Variants in CFAP57 observed in about 807,000 individuals in gnomAD.
CFAP57 encodes cilia and flagella associated protein 57, also known as cilia- and flagella-associated protein 57.
A neutral mutation model predicts 146.8 loss-of-function variants in CFAP57; 116 were observed. The observed-to-expected ratio is 0.79, with a 90% CI of 0.68 to 0.92. The LOEUF is 0.92. CFAP57 is among the 40% of genes least tolerant of loss of function. The probability of loss-of-function intolerance (pLI) is 0.00; values close to 1 mark genes in which losing one functional copy is unlikely to be tolerated. For synonymous variants in CFAP57, 518 were observed against 552.8 expected, an observed-to-expected ratio of 0.94 and a Z score of 0.88; for missense variants, 1,377 against 1,527.2, an observed-to-expected ratio of 0.90 and a Z score of 1.64.
intron 6 of CFAP57, among the ~76,000 whole-genome samples, chr1:43,191,476 A>G (rs1327461493): frequency 6.6e-6 from 1 of 150,992 alleles, no homozygotes; most frequent in African/African-American, 2.4e-5. Flanking sequence ...GGTCCCAGCT[A>G]CTCGGGAGGC....
In CFAP57 at chr1:43,237,708, T is replaced by C. The variant is rs116734288; in HGVS notation, c.3405+3070T>C. Reference sequence around the variant, plus strand: ...AGAAAAAGCAGAGAAGAGTGAGGCCTGTGAGGTGCTTGGAGACCCAAGAGT... The same window carrying C: ...AGAAAAAGCAGAGAAGAGTGAGGCCCGTGAGGTGCTTGGAGACCCAAGAGT... On this transcript the variant is annotated intron_variant, in intron 21 of 22. Transcript: ENST00000372492. Among the ~76,000 whole-genome samples, 543 of 152,256 alleles carry C rather than the reference T, an allele frequency of 3.6e-3. 3 individuals are homozygous for C. Among genetic ancestry groups the C allele is most frequent in the African/African-American group, 0.013 (520 of 41,556 alleles).
chr1:43,251,166 G>T (rs1476487405), intron 22 of CFAP57, among the ~76,000 whole-genome samples: 1 of 152,220 alleles, frequency 6.6e-6, no homozygotes, highest in Non-Finnish European at 1.5e-5. Flanking sequence ...ATATATTGCT[G>T]AAACACCAGG....
chr1:43,183,793 G>A lies in CFAP57; in HGVS notation c.677G>A (p.Gly226Glu). The A allele has an allele frequency of 1.2e-6, 2 of 1,614,218 alleles. No individual in the cohort carries two copies. Among genetic ancestry groups the A allele is most frequent in the Non-Finnish European group, 1.7e-6 (2 of 1,180,034 alleles). ...GGCAAACTCTTCCTCTTTGAATCTG[G>A]AGATCAGCGTTGGGAGACCAGCATA... ...DTGKLFLFES[G>E]DQRWETSIMV... Residue 226 changes from glycine (G) to glutamate (E), a missense_variant, in exon 4 of 23, where the codon GGA (glycine) becomes GAA (glutamate). Gly to Glu is a moderately conservative substitution (Grantham distance 98, BLOSUM62 -2). Coordinates refer to ENST00000372492, the MANE Select transcript of CFAP57 (RefSeq NM_001378189.1).
At chr1:43,199,333 C>G in intron 8 of CFAP57, 57 bp from the exon 9 acceptor site, 2 of 1,540,880 alleles carry the variant, frequency 1.3e-6, no homozygotes, top group Non-Finnish European at 1.8e-6. Flanking sequence ...TGACTGTAAC[C>G]TCTAATTAGA....
chr1:43,209,834 G>T lies in CFAP57; in HGVS notation c.1847G>T (p.Gly616Val), dbSNP rs892666914. ...ATGATGTTTGTGGGCACCTCGGTGG[G>T]AACCATTCGTGCCATGAAGTACCCT... ...GRMMFVGTSV[G>V]TIRAMKYPLP... Residue 616 changes from glycine to valine, a missense_variant, in exon 11 of 23, where the codon GGA (glycine) becomes GTA (valine). Transcript: ENST00000372492. 6.2e-7 allele frequency: 1 copy of T among 1,614,012 alleles called. No homozygotes were observed. The highest frequency in any genetic ancestry group is 1.3e-5 in the African/African-American group (1 of 74,878).
At chr1:43,206,479 T>C in intron 9 of CFAP57, 1 of 552,208 alleles carries the variant, frequency 1.8e-6, no homozygotes, top group Middle Eastern at 4.9e-4. Flanking sequence ...TAGGATTCAG[T>C]CTTTACGTTC....
intron 21 of CFAP57, among the ~76,000 whole-genome samples, chr1:43,236,590 TAAAAAAAAAAAAA>T (rs764205138): frequency 1.4e-4 from 6 of 41,806 alleles, no homozygotes; most frequent in African/African-American, 1.2e-4. Context: ...GAATAAGTGC[TAAAAAAAAAAAAA>T]AAAAAAAAAA....
intron 1 of CFAP57, 104 bp downstream of exon 1, chr1:43,172,557 G>A (rs1569746203): frequency 5.7e-6 from 4 of 705,780 alleles, no homozygotes; most frequent in East Asian, 5.2e-5. Flanking sequence ...CGCGGAGGAG[G>A]ACCCCGGGGG....
intron 2 of CFAP57, among the ~76,000 whole-genome samples, chr1:43,177,900 A>G (rs1190388957): frequency 2.0e-5 from 3 of 152,242 alleles, no homozygotes; most frequent in Non-Finnish European, 4.4e-5. Flanking sequence ...GGGCATGAAT[A>G]TATTTACAAA....
chr1:43,187,012 T>C (rs1289037496), intron 6 of CFAP57, among the ~76,000 whole-genome samples, 153 bp downstream of exon 6: 1 of 152,192 alleles, frequency 6.6e-6, no homozygotes, highest in Non-Finnish European at 1.5e-5. Context: ...TTTTAAGATA[T>C]TCACATAGAA....
intron 9 of CFAP57, chr1:43,206,368 C>T: frequency 4.1e-6 from 1 of 243,068 alleles, no homozygotes; most frequent in Non-Finnish European, 8.3e-6. Context: ...GAAGTCCACT[C>T]TCTCTGTGCT....
At chr1:43,195,844 T>G (rs1266305612) in intron 6 of CFAP57, among the ~76,000 whole-genome samples, 1 of 152,154 alleles carries the variant, frequency 6.6e-6, no homozygotes. Flanking sequence ...TGCCTACTTA[T>G]CATAGGGAGG....
intron 17 of CFAP57, 67 bp from the exon 18 acceptor site, chr1:43,226,916 G>C: frequency 7.0e-7 from 1 of 1,423,336 alleles, no homozygotes; most frequent in Non-Finnish European, 9.2e-7. Flanking sequence ...GTGCTCTTTT[G>C]CCCTAAAGGG....
At chr1:43,239,904 G>A (rs913997802) in intron 21 of CFAP57, among the ~76,000 whole-genome samples, 1 of 152,068 alleles carries the variant, frequency 6.6e-6, no homozygotes, top group Non-Finnish European at 1.5e-5. Flanking sequence ...ATTCGGTTTG[G>A]TATCCACTGC....
At chr1:43,197,417 A>C (rs1643911178) in intron 6 of CFAP57, 136 bp from the exon 7 acceptor site, 1 of 959,624 alleles carries the variant, frequency 1.0e-6, no homozygotes, top group Non-Finnish European at 1.6e-6. Flanking sequence ...AATATGCATA[A>C]TATTCAAACA....
At chr1:43,241,691 C>A (rs929961198) in intron 21 of CFAP57, among the ~76,000 whole-genome samples, 1 of 152,154 alleles carries the variant, frequency 6.6e-6, no homozygotes, top group African/African-American at 2.4e-5. Flanking sequence ...TGTGGTCTGG[C>A]CTGCAGACCA....
chr1:43,186,882 C>T lies in CFAP57; in HGVS notation c.1122+23C>T, dbSNP rs756493406. 1.1e-5 allele frequency: 18 copies of T among 1,613,796 alleles called. No individual in the cohort carries two copies. The East Asian group carries it at 3.8e-4, about 34-fold the overall frequency. On this transcript the variant is annotated intron_variant, in intron 6 of 22. Transcript: ENST00000372492. Reference sequence around the variant, plus strand: ...AAGGTGAGTCTTTCCAGCAATGGTCCTTCCAGACCAGGACCTATCTGCCTG... The same window carrying T: ...AAGGTGAGTCTTTCCAGCAATGGTCTTTCCAGACCAGGACCTATCTGCCTG...
intron 21 of CFAP57, among the ~76,000 whole-genome samples, chr1:43,237,731 A>G (rs996440648): frequency 6.6e-6 from 1 of 152,206 alleles, no homozygotes; most frequent in African/African-American, 2.4e-5. Context: ...GAGACCCAAG[A>G]GTCCACGAGA....
intron 21 of CFAP57, 106 bp from the exon 22 acceptor site, chr1:43,243,121 G>A: frequency 7.4e-7 from 1 of 1,347,912 alleles, no homozygotes; most frequent in Non-Finnish European, 9.9e-7. Context: ...TCTGGATCCA[G>A]ACCTAACCCT....
Sources: gnomAD v4.1 joint callset for allele counts (sites outside exome capture counted in the v4.1 genomes callset) on GRCh38, gnomAD v4.1.1 for gene constraint, MANE v1.5 for transcripts, NCBI Gene and HGNC (gene_info 2026-07-23, HGNC 2026-07-21) for gene names.